Variants in DYNLT3 observed in about 807,000 individuals in gnomAD.
DYNLT3 encodes dynein light chain Tctex-type 3, also known as protein 91/23.
Under a neutral mutation model 11.0 loss-of-function variants are expected in DYNLT3, and 4 were observed. The observed-to-expected ratio is 0.36, with a 90% CI of 0.18 to 0.83. The LOEUF (loss-of-function observed/expected upper bound fraction) is 0.83. Ranked by LOEUF, DYNLT3 falls within the 40% of genes least tolerant of loss-of-function variation. The pLI is 0.47. For missense variants in DYNLT3, 91 were observed against 91.1 expected (o/e 1.00, Z 0.01); for synonymous variants, 37 against 31.2 (o/e 1.18, Z -0.61).
intron 2 of DYNLT3, among the ~76,000 whole-genome samples, chrX:37,844,771 T>C (rs1376158337): frequency 5.4e-5 from 6 of 111,159 alleles, no homozygotes; most frequent in African/African-American, 2.0e-4. Flanking sequence ...TGGGCTTTAG[T>C]TTCTCCTTCC....
rs945291317 is a variant in DYNLT3, at chrX:37,839,841, A to T, written c.*734T>A. ...ATATGCCCATAATAGGCATCTGATA[A>T]ATGTTTGTTCCACATGGAATGAGTG... On this transcript the variant is annotated 3_prime_UTR_variant, in exon 5 of 5. Coordinates refer to ENST00000378578, the MANE Select transcript of DYNLT3 (RefSeq NM_006520.3). The T allele has an allele frequency of 3.6e-5, 4 of 112,470 alleles. No individual in the cohort carries two copies. Among genetic ancestry groups the T allele is most frequent in the African/African-American group, 1.3e-4 (4 of 30,920 alleles). 9.3% of individuals were successfully genotyped at this position (112,470 alleles called of 1,213,427 possible).
At chrX:37,845,021 C>A (rs1930240504) in intron 2 of DYNLT3, among the ~76,000 whole-genome samples, 1 of 111,529 alleles carries the variant, frequency 9.0e-6, no homozygotes, top group Non-Finnish European at 1.9e-5. Context: ...TAAATGGAAT[C>A]CCAAATAGCC....
chrX:37,847,168 G>T, intron 1 of DYNLT3: 4 of 1,121,179 alleles, frequency 3.6e-6, no homozygotes, highest in Non-Finnish European at 4.7e-6. Flanking sequence ...GGCCCGCCCG[G>T]TAGGAGGGCG....
intron 2 of DYNLT3, among the ~76,000 whole-genome samples, chrX:37,844,988 A>G (rs1014779684): frequency 4.5e-5 from 5 of 111,584 alleles, no homozygotes; most frequent in African/African-American, 6.5e-5. Context: ...TTTGGTTCAG[A>G]ACTTAAGGAA....
At chrX:37,842,741 T>C (rs183981977) in intron 2 of DYNLT3, among the ~76,000 whole-genome samples, 3 of 112,009 alleles carry the variant, frequency 2.7e-5, no homozygotes, top group East Asian at 2.8e-4. Context: ...TATCAGGTTG[T>C]TGTTAGGATG....
chrX:37,840,410 A>G lies in DYNLT3; in HGVS notation c.*165T>C, dbSNP rs1385557878. On this transcript the variant is annotated 3_prime_UTR_variant, in exon 5 of 5. Transcript: ENST00000378578. ...GTATAGAATATGAGCTAATCTGCCA[A>G]TTACTATGATATTGCTTGCTTATAA... 2 of 365,338 alleles carry G rather than the reference A, an allele frequency of 5.5e-6. No homozygotes were observed. The highest frequency in any genetic ancestry group is 5.3e-5 in the African/African-American group (2 of 37,794). The allele number at this position is 365,338 out of a possible 1,213,427, so 30.1% of individuals were successfully genotyped here. A position where few individuals can be genotyped will look rare whatever the true frequency, so the allele number is the denominator to read the frequency against.
At chrX:37,844,708 T>C (rs1930234733) in intron 2 of DYNLT3, among the ~76,000 whole-genome samples, 1 of 111,800 alleles carries the variant, frequency 8.9e-6, no homozygotes, top group African/African-American at 3.3e-5. Flanking sequence ...GGTTGGTGGG[T>C]GATAACCATT....
At chrX:37,840,674 T>G (rs1384665977) in intron 4 of DYNLT3, 23 bp from the exon 5 acceptor site, 16 of 1,131,845 alleles carry the variant, frequency 1.4e-5, no homozygotes, top group Non-Finnish European at 1.9e-5. Flanking sequence ...AAAAGGATTT[T>G]GAAATACCAG....
At position 37,841,913 on chromosome X, in the gene DYNLT3, G is replaced by A. The variant is rs188876827; in HGVS notation, c.73-8C>T. The stretch of plus-strand genomic sequence containing the variant: ...TAAAACCCCATCTACACACTAAAAG[G>A]GCACAGAGGGCAGTTAATTTAGTCA... On this transcript the variant is annotated splice_region_variant and splice_polypyrimidine_tract_variant and intron_variant, in intron 2 of 4. Coordinates refer to ENST00000378578, the MANE Select transcript of DYNLT3 (RefSeq NM_006520.3). 4 of 1,085,048 alleles carry A rather than the reference G, an allele frequency of 3.7e-6. No individual in the cohort carries two copies. The highest frequency in any genetic ancestry group is 3.2e-5 in the East Asian group (1 of 31,320). 89.4% of individuals were successfully genotyped at this position (1,085,048 alleles called of 1,213,427 possible).
At chrX:37,843,521 G>A (rs61323087) in intron 2 of DYNLT3, among the ~76,000 whole-genome samples, 1,417 of 112,113 alleles carry the variant, frequency 0.013, 20 homozygotes, top group African/African-American at 0.043. Flanking sequence ...GCTAAACTCA[G>A]GACCTGGGCA....
In DYNLT3 at chrX:37,840,727, C is replaced by T. The variant is rs768918010; in HGVS notation, c.275-76G>A. 2,822 of 418,009 alleles carry T rather than the reference C, an allele frequency of 6.8e-3. 14 individuals are homozygous for T. Among genetic ancestry groups the T allele is most frequent in the African/African-American group, 0.03 (963 of 32,305 alleles). 34.4% of individuals were successfully genotyped at this position (418,009 alleles called of 1,213,427 possible). A position where few individuals can be genotyped will look rare whatever the true frequency, so the allele number is the denominator to read the frequency against. ...CAGAGAATATATATATATATATACA[C>T]ACACACACACACACACACACATATA... On this transcript the variant is annotated intron_variant, in intron 4 of 4. Transcript: ENST00000378578.
chrX:37,847,169 T>C, intron 1 of DYNLT3: 1 of 1,119,878 alleles, frequency 8.9e-7, no homozygotes, highest in Non-Finnish European at 1.2e-6. Context: ...GCCCGCCCGG[T>C]AGGAGGGCGG....
chrX:37,846,105 A>T (rs1246750481), intron 2 of DYNLT3, among the ~76,000 whole-genome samples: 1 of 112,248 alleles, frequency 8.9e-6, no homozygotes, highest in Admixed American at 9.4e-5. Flanking sequence ...CAGGAGGTGG[A>T]GGTTGCAGTG....
chrX:37,841,298 A>G (rs1279947168), intron 3 of DYNLT3, among the ~76,000 whole-genome samples, 193 bp from the exon 4 acceptor site: 1 of 112,298 alleles, frequency 8.9e-6, no homozygotes, highest in Non-Finnish European at 1.9e-5. Flanking sequence ...ATCTACCATC[A>G]TGATTTTGAC....
intron 2 of DYNLT3, among the ~76,000 whole-genome samples, chrX:37,842,135 G>A (rs1315409341): frequency 9.0e-6 from 1 of 111,342 alleles, no homozygotes; most frequent in Non-Finnish European, 1.9e-5. Flanking sequence ...GATACTATGG[G>A]CCATATAAAG....
Position 37,842,009 on chromosome X carries a change from T to C in DYNLT3, c.73-104A>G, listed in dbSNP as rs1391063466. Reference sequence around the variant, plus strand: ...AATTTATTCAAAACATAAAATATACTTATAGCTCAATAAGGCATCTTAGAA... The same window carrying C: ...AATTTATTCAAAACATAAAATATACCTATAGCTCAATAAGGCATCTTAGAA... On this transcript the variant is annotated intron_variant, in intron 2 of 4. Coordinates refer to ENST00000378578, the MANE Select transcript of DYNLT3 (RefSeq NM_006520.3). 1.3e-5 allele frequency: 10 copies of C among 777,212 alleles called. No homozygotes were observed. The African/African-American group carries it at 1.9e-4, about 15-fold the overall frequency. The allele number at this position is 777,212 out of a possible 1,213,427, so 64.1% of individuals were successfully genotyped here.
chrX:37,847,075 C>T (rs942709631), intron 1 of DYNLT3: 3 of 1,163,811 alleles, frequency 2.6e-6, no homozygotes, highest in South Asian at 1.9e-5. Flanking sequence ...ACCAGGACCC[C>T]GAGACTCCGA....
Position 37,839,423 on chromosome X carries a change from T to C in DYNLT3, c.*1152A>G, listed in dbSNP as rs1327673148. On this transcript the variant is annotated 3_prime_UTR_variant, in exon 5 of 5. Transcript: ENST00000378578. The stretch of plus-strand genomic sequence containing the variant: ...TAACGTGCTAAGGATTGTATACTTT[T>C]AATCTATACTTTATTCCACTCAATT... 1 of 112,416 alleles carries C rather than the reference T, an allele frequency of 8.9e-6. No homozygotes were observed. The highest frequency in any genetic ancestry group is 1.9e-5 in the Non-Finnish European group (1 of 53,200). 9.3% of individuals were successfully genotyped at this position (112,416 alleles called of 1,213,427 possible).
Position 37,840,569 on chromosome X carries a change from A to G in DYNLT3, c.*6T>C, listed in dbSNP as rs1418087398. The G allele has an allele frequency of 1.7e-6, 2 of 1,186,237 alleles. No individual in the cohort carries two copies. The highest frequency in any genetic ancestry group is 1.8e-5 in the African/African-American group (1 of 55,888). ...TTAATGGCTTTAGCCCAACATTTTT[A>G]GTCAGTTAAAGAACAATAGCAATGG... On this transcript the variant is annotated 3_prime_UTR_variant, in exon 5 of 5. Coordinates refer to ENST00000378578, the MANE Select transcript of DYNLT3 (RefSeq NM_006520.3).
Sources: gnomAD v4.1 joint callset for allele counts (sites outside exome capture counted in the v4.1 genomes callset) on GRCh38, gnomAD v4.1.1 for gene constraint, MANE v1.5 for transcripts, NCBI Gene and HGNC (gene_info 2026-07-23, HGNC 2026-07-21) for gene names.